The following WDR62 variants were observed in gnomAD, a reference collection of about 807,000 sequenced individuals.
WDR62 encodes the protein WD repeat domain 62, also known as WD repeat-containing protein 62.
In WDR62, 112 loss-of-function variants were observed where a neutral mutation model predicts 160.6. The ratio of observed to expected loss-of-function variants is 0.70; its 90% CI spans 0.60 to 0.82. The LOEUF is 0.82. Ranked by LOEUF, WDR62 falls within the 40% of genes least tolerant of loss-of-function variation. The pLI is 0.00. For synonymous variants in WDR62, 792 were observed against 815.1 expected, an observed-to-expected ratio of 0.97 and a Z score of 0.48; for missense variants, 1,819 against 1,983.8, an observed-to-expected ratio of 0.92 and a Z score of 1.58.
chr19:36,088,021 T>C (rs1394136606), intron 13 of WDR62, among the ~76,000 whole-genome samples: 1 of 152,284 alleles, frequency 6.6e-6, no homozygotes, highest in Middle Eastern at 3.4e-3. Context: ...TTGCAGGCCT[T>C]CTCTGGGTCC....
chr19:36,069,319 C>T (rs555128220), intron 7 of WDR62, among the ~76,000 whole-genome samples: 3 of 151,438 alleles, frequency 2.0e-5, no homozygotes, highest in Non-Finnish European at 1.5e-5. Context: ...TCAGATGGGA[C>T]GGCCAGGCAG....
chr19:36,069,332 A>C (rs1379584838), intron 7 of WDR62, among the ~76,000 whole-genome samples: 1 of 149,870 alleles, frequency 6.7e-6, no homozygotes, highest in Non-Finnish European at 1.5e-5. Flanking sequence ...CCAGGCAGAG[A>C]CGCTCCTCAC....
intron 18 of WDR62, 99 bp downstream of exon 18, chr19:36,091,564 T>C (rs1182756029): frequency 7.4e-6 from 9 of 1,223,508 alleles, no homozygotes; most frequent in Admixed American, 7.0e-5. Context: ...CCAGTTTGGA[T>C]TGTGGGAGTC....
At position 36,103,148 on chromosome 19, in the gene WDR62, G is replaced by C; in HGVS notation, c.3463-8G>C. 6.2e-7 allele frequency: 1 copy of C among 1,614,072 alleles called. No homozygotes were observed. The highest frequency in any genetic ancestry group is 8.5e-7 in the Non-Finnish European group (1 of 1,180,038). On this transcript the variant is annotated splice_region_variant and splice_polypyrimidine_tract_variant and intron_variant, in intron 28 of 31. Transcript: ENST00000401500. ...GGCCTTGTCCTCACCTCAGAGCTGTGCCTGCAGGTCCTCGCTGCAGGGAAG... is the reference window on the plus strand; with the variant it reads ...GGCCTTGTCCTCACCTCAGAGCTGTCCCTGCAGGTCCTCGCTGCAGGGAAG...
intron 20 of WDR62, among the ~76,000 whole-genome samples, chr19:36,094,718 C>T (rs186633991): frequency 8.9e-4 from 134 of 151,108 alleles, no homozygotes; most frequent in African/African-American, 3.2e-3. Context: ...AGCGAGAGCC[C>T]ATCTATGCAA....
chr19:36,091,175 G>A (rs768699890), intron 16 of WDR62, 25 bp from the exon 17 acceptor site: 1 of 1,601,140 alleles, frequency 6.2e-7, no homozygotes, highest in South Asian at 1.1e-5. Context: ...CAGCTGGAGT[G>A]ACATGTGGGT....
chr19:36,095,714 A>G (rs1972511), intron 20 of WDR62, among the ~76,000 whole-genome samples: 63,007 of 152,156 alleles, frequency 0.41, 13,671 homozygotes, highest in East Asian at 0.56. Flanking sequence ...GAATTGCTTG[A>G]ACCTGGGAGA....
intron 1 of WDR62, 79 bp downstream of exon 1, chr19:36,055,227 C>G (rs1970292413): frequency 6.1e-6 from 9 of 1,483,392 alleles, no homozygotes; most frequent in Non-Finnish European, 8.2e-6. Flanking sequence ...AACTGTGGCC[C>G]CGACATCAGC....
At chr19:36,101,006 A>T in intron 23 of WDR62, 131 bp downstream of exon 23, 1 of 1,460,296 alleles carries the variant, frequency 6.8e-7, no homozygotes, top group Non-Finnish European at 9.5e-7. Context: ...TGGATGGGGC[A>T]GGAGCCCAGC....
At position 36,054,980 on chromosome 19, in the gene WDR62, C is replaced by T; in HGVS notation, c.9C>T (p.Ala3=). The change falls in exon 1 of 32, where the codon GCC becomes GCT. Residue 3 remains alanine, a synonymous_variant. Transcript: ENST00000401500. MA[A]VGSGGYARND... ...CCGCCTCCGGCGTGACGATGGCGGC[C>T]GTAGGGTCCGGAGGCTATGCGCGGA... The T allele has an allele frequency of 6.2e-7, 1 of 1,601,750 alleles. No individual in the cohort carries two copies. Among genetic ancestry groups the T allele is most frequent in the East Asian group, 2.3e-5 (1 of 44,410 alleles).
In WDR62 at chr19:36,054,897, G is replaced by A; in HGVS notation, c.-75G>A. 1 of 1,527,658 alleles carries A rather than the reference G, an allele frequency of 6.5e-7. No homozygotes were observed. The highest frequency in any genetic ancestry group is 8.8e-7 in the Non-Finnish European group (1 of 1,135,066). The allele number at this position is 1,527,658 out of a possible 1,614,324, so 94.6% of individuals were successfully genotyped here. A position where few individuals can be genotyped will look rare whatever the true frequency, so the allele number is the denominator to read the frequency against. ...GGCGCCGGCTTTCCCGCGGCTGTTCGCTGTTCCAGTGGGTCGTGGCGGTGG... is the reference window on the plus strand; with the variant it reads ...GGCGCCGGCTTTCCCGCGGCTGTTCACTGTTCCAGTGGGTCGTGGCGGTGG... On this transcript the variant is annotated 5_prime_UTR_variant, in exon 1 of 32. Coordinates refer to ENST00000401500, the MANE Select transcript of WDR62 (RefSeq NM_001083961.2).
intron 2 of WDR62, 22 bp downstream of exon 2, chr19:36,058,893 C>CG (rs1432055774): frequency 6.3e-7 from 1 of 1,591,428 alleles, no homozygotes; most frequent in African/African-American, 1.3e-5. Context: ...AGGGCCTCGA[C>CG]GTCTAATCAT....
intron 9 of WDR62, chr19:36,074,353 G>A (rs1256588193): frequency 6.5e-6 from 1 of 152,698 alleles, no homozygotes; most frequent in Non-Finnish European, 1.5e-5. Context: ...ATGAATTTGT[G>A]GGTTTTTAAA....
chr19:36,082,453 C>A (rs2145714156), intron 10 of WDR62, among the ~76,000 whole-genome samples: 1 of 152,262 alleles, frequency 6.6e-6, no homozygotes, highest in Middle Eastern at 3.4e-3. Context: ...ATTGGAAAAC[C>A]TGAAAGAGGC....
chr19:36,089,139 G>A (rs201569352), intron 14 of WDR62, 34 bp downstream of exon 14: 75 of 1,613,322 alleles, frequency 4.6e-5, no homozygotes, highest in Middle Eastern at 3.3e-4. Context: ...GGGCTGGGGT[G>A]GGGGGTTGTC....
rs1335646261 is a variant in WDR62 at position 36,054,961 on chromosome 19, C to T, written c.-11C>T. 2 of 1,586,084 alleles carry T rather than the reference C, an allele frequency of 1.3e-6. No individual in the cohort carries two copies. Among genetic ancestry groups the T allele is most frequent in the African/African-American group, 1.3e-5 (1 of 74,722 alleles). On this transcript the variant is annotated 5_prime_UTR_variant, in exon 1 of 32. Coordinates refer to ENST00000401500, the MANE Select transcript of WDR62 (RefSeq NM_001083961.2). Reference sequence around the variant, plus strand: ...TAGGGGATGTAACGGTCGCCCGCCTCCGGCGTGACGATGGCGGCCGTAGGG... The same window carrying T: ...TAGGGGATGTAACGGTCGCCCGCCTTCGGCGTGACGATGGCGGCCGTAGGG...
chr19:36,076,696 AC>A (rs1475187559), intron 9 of WDR62, among the ~76,000 whole-genome samples: 2 of 78,308 alleles, frequency 2.6e-5, no homozygotes, highest in East Asian at 3.6e-4. Flanking sequence ...GTTCTTAAGG[AC>A]ACAGGGGATG....
chr19:36,103,839 G>A lies in WDR62; in HGVS notation c.4011G>A (p.Leu1337=), dbSNP rs879099721. ...CTAGCCCTGTGGAAGAGAGCGCCCTGAGGCTCCACGGCTCTGCCTTTCGCC... is the reference window on the plus strand; with the variant it reads ...CTAGCCCTGTGGAAGAGAGCGCCCTAAGGCTCCACGGCTCTGCCTTTCGCC... ...PAPSPVEESA[L]RLHGSAFRPS... is the part of the protein sequence containing the mutation. Residue 1337 remains leucine (L), a synonymous_variant, in exon 30 of 32, where the codon CTG becomes CTA. Coordinates refer to ENST00000401500, the MANE Select transcript of WDR62 (RefSeq NM_001083961.2). 4 of 1,605,258 alleles carry A rather than the reference G, an allele frequency of 2.5e-6. No homozygotes were observed. The South Asian group carries it at 3.3e-5, about 13-fold the overall frequency.
chr19:36,108,296 C>G (rs765983492), downstream of WDR62, among the ~76,000 whole-genome samples: 2 of 152,146 alleles, frequency 1.3e-5, no homozygotes, highest in Non-Finnish European at 2.9e-5. Context: ...CAGAACAGGA[C>G]TGAGAGGGTT....
Sources: gnomAD v4.1 joint callset for allele counts (sites outside exome capture counted in the v4.1 genomes callset) on GRCh38, gnomAD v4.1.1 for gene constraint, MANE v1.5 for transcripts, NCBI Gene and HGNC (gene_info 2026-07-23, HGNC 2026-07-21) for gene names.